The following STK32B variants were observed in gnomAD, a reference collection of about 807,000 sequenced individuals.
STK32B encodes serine/threonine kinase 32B, also known as serine/threonine-protein kinase 32B.
A neutral mutation model predicts 52.6 loss-of-function variants in STK32B; 43 were observed. That is an observed-to-expected ratio of 0.82 (90% confidence interval 0.64 to 1.05). The LOEUF is 1.05. Ranked by LOEUF, STK32B falls within the 50% of genes least tolerant of loss-of-function variation. STK32B has a pLI of 0.00. For missense variants in STK32B, 621 were observed against 534.6 expected (o/e 1.16, Z -1.59); for synonymous variants, 238 against 204.3 (o/e 1.17, Z -1.41).
intron 1 of STK32B, among the ~76,000 whole-genome samples, chr4:5,069,699 G>A (rs188925485): frequency 5.3e-4 from 81 of 152,252 alleles, no homozygotes; most frequent in African/African-American, 1.6e-3. Context: ...GTTAATGTAC[G>A]TAAAGTGCTT....
At chr4:5,422,585 C>G (rs978879923) in intron 6 of STK32B, among the ~76,000 whole-genome samples, 2 of 152,162 alleles carry the variant, frequency 1.3e-5, no homozygotes, top group African/African-American at 4.8e-5. Flanking sequence ...CCACGTGGGG[C>G]TTCAGAGTTT....
intron 5 of STK32B, among the ~76,000 whole-genome samples, chr4:5,409,384 T>C (rs1389826047): frequency 6.6e-6 from 1 of 151,990 alleles, no homozygotes; most frequent in Non-Finnish European, 1.5e-5. Flanking sequence ...TTCTCCAAAG[T>C]GTTACTAATT....
chr4:5,422,528 AG>A (rs1413436120), intron 6 of STK32B, among the ~76,000 whole-genome samples: 1 of 152,250 alleles, frequency 6.6e-6, no homozygotes, highest in Admixed American at 6.5e-5. Context: ...AGAAAAAAAA[AG>A]ATCTCTCTAA....
intron 3 of STK32B, among the ~76,000 whole-genome samples, chr4:5,298,807 T>TCACTGGGGTTCCAGGTGC (rs1577311249): frequency 1.3e-5 from 2 of 151,014 alleles, no homozygotes; most frequent in East Asian, 3.9e-4. Flanking sequence ...TGGTTCTGTC[T>TCACTGGGGTTCCAGGTGC]CACTGGGGTT....
Position 5,446,561 on chromosome 4 carries a change from A to C in STK32B, c.563-112A>C, listed in dbSNP as rs566434401. 981 of 987,656 alleles carry C rather than the reference A, an allele frequency of 9.9e-4. 13 individuals carry two copies. Among genetic ancestry groups the C allele is most frequent in the South Asian group, 9.4e-3 (596 of 63,158 alleles). 61.2% of individuals were successfully genotyped at this position (987,656 alleles called of 1,614,324 possible). On this transcript the variant is annotated intron_variant, in intron 6 of 11. Coordinates refer to ENST00000282908, the MANE Select transcript of STK32B (RefSeq NM_018401.3). ...AGCAGAGCAAAACTCTATCTCAAAAAAAAACAAAAAAAAAAAAAACAAGCT... is the reference window on the plus strand; with the variant it reads ...AGCAGAGCAAAACTCTATCTCAAAACAAAACAAAAAAAAAAAAAACAAGCT...
chr4:5,494,596 G>A (rs572196742), intron 11 of STK32B, among the ~76,000 whole-genome samples: 108 of 152,246 alleles, frequency 7.1e-4, no homozygotes, highest in Admixed American at 3.3e-3. Context: ...ATATTGTTAT[G>A]TGTGAATTTG....
Position 5,378,016 on chromosome 4 carries a change from C to T in STK32B, c.435-20191C>T, listed in dbSNP as rs368443283. On this transcript the variant is annotated intron_variant, in intron 4 of 11. Coordinates refer to ENST00000282908, the MANE Select transcript of STK32B (RefSeq NM_018401.3). This position sits in a 1 kb window ranked among gnomAD's most constrained non-coding sequence, Gnocchi z 4.4. ...AAGGATTTGAGATGGATTCTACTCT[C>T]GCTTTGTATTAAAAAGGGTAGTGGG... Among the ~76,000 whole-genome samples, 13 of 152,170 alleles carry T rather than the reference C, an allele frequency of 8.5e-5. No homozygotes were observed. The East Asian group carries it at 9.6e-4, about 11-fold the overall frequency.
intron 3 of STK32B, among the ~76,000 whole-genome samples, chr4:5,271,188 G>A (rs1473656566): frequency 6.6e-6 from 1 of 152,132 alleles, no homozygotes; most frequent in African/African-American, 2.4e-5. Context: ...CACCCGCCTT[G>A]ACCTCCCAAA....
At chr4:5,028,375 T>G in the STK32B span, among the ~76,000 whole-genome samples, 1 of 152,250 alleles carries the variant, frequency 6.6e-6, no homozygotes, top group East Asian at 1.9e-4. Flanking sequence ...TCATCAAATA[T>G]GTTCAGTTCT....
intron 6 of STK32B, among the ~76,000 whole-genome samples, chr4:5,437,446 C>T (rs1714185934): frequency 6.6e-6 from 1 of 152,226 alleles, no homozygotes; most frequent in Non-Finnish European, 1.5e-5. Context: ...CTTCACATGG[C>T]CGTCTTCTCT....
the STK32B span, among the ~76,000 whole-genome samples, chr4:5,038,817 A>T: frequency 1.3e-5 from 2 of 152,190 alleles, no homozygotes; most frequent in Non-Finnish European, 2.9e-5. Context: ...CACTTTGGCT[A>T]CACTCAATTT....
chr4:5,181,269 G>A (rs769731081), intron 3 of STK32B, among the ~76,000 whole-genome samples: 2 of 151,834 alleles, frequency 1.3e-5, no homozygotes, highest in Non-Finnish European at 2.9e-5. Flanking sequence ...AGTCATAACA[G>A]TGAGGCATTA....
At chr4:5,368,407 T>G (rs1735014527) in intron 4 of STK32B, among the ~76,000 whole-genome samples, 2 of 151,832 alleles carry the variant, frequency 1.3e-5, no homozygotes, top group Non-Finnish European at 1.5e-5. Context: ...GGCTTTGCTT[T>G]CAGTAACTCA....
intron 11 of STK32B, among the ~76,000 whole-genome samples, chr4:5,474,427 T>C (rs1397682087): frequency 6.6e-6 from 1 of 152,254 alleles, no homozygotes; most frequent in Non-Finnish European, 1.5e-5. Context: ...TCTTTGACTT[T>C]ACCAAGGTCT....
intron 4 of STK32B, among the ~76,000 whole-genome samples, chr4:5,381,693 G>A (rs1288621372): frequency 6.6e-6 from 1 of 152,194 alleles, no homozygotes; most frequent in Non-Finnish European, 1.5e-5. Context: ...TTTTCTGAAA[G>A]TGGCTCTGCC....
intron 2 of STK32B, among the ~76,000 whole-genome samples, chr4:5,162,397 G>A (rs1351321890): frequency 3.3e-5 from 5 of 152,148 alleles, no homozygotes; most frequent in Admixed American, 3.3e-4. Context: ...GTCAGCGCCC[G>A]GAATATACTG....
chr4:5,495,666 T>A (rs1327120628), intron 11 of STK32B, among the ~76,000 whole-genome samples: 3 of 152,190 alleles, frequency 2.0e-5, no homozygotes, highest in Non-Finnish European at 2.9e-5. Flanking sequence ...TTTTTAGAGT[T>A]TCCAGTTTTT....
chr4:5,313,571 A>C (rs1344718937), intron 3 of STK32B, among the ~76,000 whole-genome samples: 1 of 151,732 alleles, frequency 6.6e-6, no homozygotes. Flanking sequence ...AACTGTCTCT[A>C]TTTTCAGATG....
chr4:5,045,697 G>C, the STK32B span, among the ~76,000 whole-genome samples: 1 of 151,932 alleles, frequency 6.6e-6, no homozygotes, highest in Non-Finnish European at 1.5e-5. Context: ...TCATGATTTC[G>C]CTCTCTGTGT....
Sources: gnomAD v4.1 joint callset for allele counts (sites outside exome capture counted in the v4.1 genomes callset) on GRCh38, gnomAD v4.1.1 for gene constraint, Gnocchi (gnomAD v3.1) non-coding constraint, MANE v1.5 for transcripts, NCBI Gene and HGNC (gene_info 2026-07-23, HGNC 2026-07-21) for gene names.